The following VAT1L variants were observed in gnomAD, a reference collection of about 807,000 sequenced individuals.
VAT1L encodes vesicle amine transport 1 like.
Under a neutral mutation model 44.1 loss-of-function variants are expected in VAT1L, and 34 were observed. The observed-to-expected ratio is 0.77, with a 90% CI of 0.59 to 1.03. The LOEUF is 1.03. VAT1L is among the 50% of genes least tolerant of loss of function. The pLI is 0.00. For missense variants in VAT1L, 615 were observed against 538.8 expected (o/e 1.14, Z -1.40); for synonymous variants, 253 against 202.2 (o/e 1.25, Z -2.13).
At chr16:77,906,687 C>T (rs1041531412) in intron 7 of VAT1L, among the ~76,000 whole-genome samples, 3 of 152,264 alleles carry the variant, frequency 2.0e-5, no homozygotes, top group East Asian at 1.9e-4. Flanking sequence ...AAGGGGGGAA[C>T]GGTCACTCCC....
rs117553044 is a variant in VAT1L at position 77,868,582 on chromosome 16, C to T, written c.722+5692C>T. On this transcript the variant is annotated intron_variant, in intron 4 of 8. Coordinates refer to ENST00000302536, the MANE Select transcript of VAT1L (RefSeq NM_020927.3). ...GTTAAGTAAATATCACACAAATAGACGTGACGGGACTCAGTTCCAGGTGGC... is the reference window on the plus strand; with the variant it reads ...GTTAAGTAAATATCACACAAATAGATGTGACGGGACTCAGTTCCAGGTGGC... Among the ~76,000 whole-genome samples the T allele has an allele frequency of 7.2e-3, 1,100 of 152,286 alleles. 8 individuals are homozygous for T. The highest frequency in any genetic ancestry group is 0.03 in the East Asian group (154 of 5,174).
Position 77,922,075 on chromosome 16 carries a change from T to C in VAT1L, c.1077+37273T>C, listed in dbSNP as rs532318829. 5.9e-5 allele frequency among the ~76,000 whole-genome samples: 9 copies of C among 152,290 alleles called. No individual in the cohort carries two copies. In the East Asian group the frequency reaches 1.7e-3, roughly 29 times the overall value. ...CATATACTTTAGAAAAACCTTTTTT[T>C]CAGGTTAGCACCTACTGAGACAAGT... On this transcript the variant is annotated intron_variant, in intron 7 of 8. Coordinates refer to ENST00000302536, the MANE Select transcript of VAT1L (RefSeq NM_020927.3).
intron 7 of VAT1L, among the ~76,000 whole-genome samples, chr16:77,905,261 T>G (rs1251935986): frequency 2.0e-5 from 3 of 152,200 alleles, no homozygotes; most frequent in Non-Finnish European, 4.4e-5. Flanking sequence ...TTACGTTTGT[T>G]GGCATGGCTT....
At chr16:77,834,667 G>C (rs1206271601) in intron 3 of VAT1L, among the ~76,000 whole-genome samples, 2 of 151,740 alleles carry the variant, frequency 1.3e-5, no homozygotes, top group Non-Finnish European at 2.9e-5. Context: ...TGAGCTTTAT[G>C]TGAGCAAGGG....
chr16:77,973,074 A>T (rs1329942942), intron 8 of VAT1L, among the ~76,000 whole-genome samples: 2 of 151,802 alleles, frequency 1.3e-5, no homozygotes, highest in South Asian at 4.2e-4. Flanking sequence ...CATCCCACCT[A>T]TTCTCCCTGG....
chr16:77,945,262 A>G (rs1567517595), intron 7 of VAT1L, among the ~76,000 whole-genome samples: 1 of 135,874 alleles, frequency 7.4e-6, no homozygotes, highest in Non-Finnish European at 1.6e-5. Flanking sequence ...GGAATGGCCA[A>G]TTCCAGATTG....
intron 7 of VAT1L, among the ~76,000 whole-genome samples, chr16:77,966,515 G>A (rs940713298): frequency 1.3e-5 from 2 of 152,162 alleles, no homozygotes; most frequent in African/African-American, 4.8e-5. Context: ...GTGGACGTGA[G>A]TGTGTGATGA....
intron 7 of VAT1L, 118 bp from the exon 8 acceptor site, chr16:77,971,731 TA>T: frequency 9.4e-7 from 1 of 1,059,274 alleles, no homozygotes; most frequent in Non-Finnish European, 1.4e-6. Flanking sequence ...TCTTAGCCAC[TA>T]AACTTGAGCC....
rs199650935 is a variant in VAT1L at position 77,909,090 on chromosome 16, A to T, written c.1077+24288A>T. Among the ~76,000 whole-genome samples, 3 of 152,156 alleles carry T rather than the reference A, an allele frequency of 2.0e-5. No homozygotes were observed. In the East Asian group the frequency reaches 5.8e-4, roughly 29 times the overall value. On this transcript the variant is annotated intron_variant, in intron 7 of 8. Transcript: ENST00000302536. ...CTGGACACTGTCCTAAACATTTTAT[A>T]AGGGCTGTATTTCATTTAATCCTCA...
chr16:77,822,254 C>G (rs2016464064), intron 2 of VAT1L, among the ~76,000 whole-genome samples: 1 of 152,174 alleles, frequency 6.6e-6, no homozygotes, highest in African/African-American at 2.4e-5. Flanking sequence ...CCTGCCTCAG[C>G]CTCCCAAATA....
intron 1 of VAT1L, among the ~76,000 whole-genome samples, chr16:77,804,977 T>A (rs938439178): frequency 6.6e-6 from 1 of 152,162 alleles, no homozygotes; most frequent in East Asian, 1.9e-4. Context: ...GTGGCTGCAG[T>A]GGCTTGCTTA....
chr16:77,844,460 G>A (rs1049510367), intron 3 of VAT1L, among the ~76,000 whole-genome samples: 10 of 152,018 alleles, frequency 6.6e-5, no homozygotes, highest in Non-Finnish European at 1.3e-4. Context: ...CCAGACTGGA[G>A]TGCAGTGGCG....
chr16:77,910,468 C>T (rs556632187), intron 7 of VAT1L, among the ~76,000 whole-genome samples: 70 of 151,974 alleles, frequency 4.6e-4, no homozygotes, highest in Non-Finnish European at 8.1e-4. Flanking sequence ...GTCAGGAGAT[C>T]GAGACCATCC....
At chr16:77,796,395 G>C (rs963430259) in intron 1 of VAT1L, among the ~76,000 whole-genome samples, 1 of 152,162 alleles carries the variant, frequency 6.6e-6, no homozygotes, top group Non-Finnish European at 1.5e-5. Context: ...ACCACCCCAT[G>C]GGGTAGGTGT....
Position 77,940,057 on chromosome 16 carries a change from A to T in VAT1L, c.1078-31793A>T, listed in dbSNP as rs2017859594. Among the ~76,000 whole-genome samples the T allele has an allele frequency of 4.6e-5, 7 of 152,200 alleles. No homozygotes were observed. In the South Asian group the frequency reaches 1.4e-3, roughly 31 times the overall value. ...GAAATTTTCCAAGGCAGGAGAAAGA[A>T]AATGGACATTCCAGATGCCTAAGAC... On this transcript the variant is annotated intron_variant, in intron 7 of 8. Coordinates refer to ENST00000302536, the MANE Select transcript of VAT1L (RefSeq NM_020927.3).
intron 7 of VAT1L, among the ~76,000 whole-genome samples, chr16:77,942,033 C>T (rs1166785548): frequency 6.6e-6 from 1 of 152,156 alleles, no homozygotes; most frequent in African/African-American, 2.4e-5. Flanking sequence ...GATGATATCT[C>T]ATTGTGGTTT....
intron 3 of VAT1L, among the ~76,000 whole-genome samples, chr16:77,852,138 C>T (rs2016814424): frequency 6.6e-6 from 1 of 152,154 alleles, no homozygotes; most frequent in Non-Finnish European, 1.5e-5. Context: ...GTCCTTATTG[C>T]TCAAACAACA....
At chr16:77,860,072 G>A (rs1225914949) in intron 3 of VAT1L, among the ~76,000 whole-genome samples, 7 of 152,160 alleles carry the variant, frequency 4.6e-5, no homozygotes, top group African/African-American at 7.2e-5. Context: ...GTGGAGAGAC[G>A]CAGGGAGAAT....
chr16:77,802,042 A>G (rs939674189), intron 1 of VAT1L, among the ~76,000 whole-genome samples: 1 of 152,206 alleles, frequency 6.6e-6, no homozygotes, highest in African/African-American at 2.4e-5. Context: ...GAGGAGAGAC[A>G]GACAGTCCAT....
Sources: gnomAD v4.1 joint callset for allele counts (sites outside exome capture counted in the v4.1 genomes callset) on GRCh38, gnomAD v4.1.1 for gene constraint, MANE v1.5 for transcripts, NCBI Gene and HGNC (gene_info 2026-07-23, HGNC 2026-07-21) for gene names.